Variants in NFATC3 observed in about 807,000 individuals in gnomAD.
NFATC3 encodes nuclear factor of activated T cells 3, also known as nuclear factor of activated T-cells, cytoplasmic 3.
NFATC3 carries 46 observed loss-of-function variants against 98.6 expected under a neutral mutation model. The observed-to-expected ratio is 0.47, with a 90% CI of 0.37 to 0.60. NFATC3 has a LOEUF of 0.60. NFATC3 is among the 20% of genes least tolerant of loss of function. The probability of loss-of-function intolerance (pLI) is 0.00; values close to 1 mark genes in which losing one functional copy is unlikely to be tolerated. For missense variants in NFATC3, 1,256 were observed against 1,295.5 expected, an observed-to-expected ratio of 0.97 and a Z score of 0.47; for synonymous variants, 512 against 472.2, an observed-to-expected ratio of 1.08 and a Z score of -1.09.
At chr16:68,207,402 C>G (rs2041193387) in intron 9 of NFATC3, among the ~76,000 whole-genome samples, 1 of 152,152 alleles carries the variant, frequency 6.6e-6, no homozygotes, top group Non-Finnish European at 1.5e-5. Context: ...GTTTGAGTCC[C>G]TCTTTTCAGT....
chr16:68,180,677 T>C (rs2039914852), intron 6 of NFATC3, among the ~76,000 whole-genome samples: 1 of 152,096 alleles, frequency 6.6e-6, no homozygotes, highest in Non-Finnish European at 1.5e-5. Context: ...CAGGCCCCAG[T>C]GTGTGATATT....
chr16:68,185,947 A>T (rs2040182251), intron 8 of NFATC3, among the ~76,000 whole-genome samples: 1 of 152,084 alleles, frequency 6.6e-6, no homozygotes, highest in African/African-American at 2.4e-5. Flanking sequence ...AAAAGGCAGA[A>T]TCCTAGAGGA....
Position 68,190,906 on chromosome 16 carries a change from G to A in NFATC3, c.2237G>A (p.Ser746Asn), listed in dbSNP as rs1746111968. The A allele has an allele frequency of 6.8e-6, 11 of 1,614,226 alleles. No individual in the cohort carries two copies. The highest frequency in any genetic ancestry group is 9.3e-6 in the Non-Finnish European group (11 of 1,180,056). The change falls in exon 9 of 10, where the codon AGT (serine) becomes AAT (asparagine). Residue 746 changes from serine to asparagine, a missense_variant. This residue lies in a region of NFATC3 where 636 missense variants were observed against 617.3 expected (regional missense o/e 1.03). Coordinates refer to ENST00000346183, the MANE Select transcript of NFATC3 (RefSeq NM_173165.3). Reference protein sequence around the residue: ...SHDSVLSGQRSLICSIPQTYA... With the variant: ...SHDSVLSGQRNLICSIPQTYA... Reference sequence around the variant, plus strand: ...GACAGTGTACTGTCAGGACAGAGAAGTTTGATTTGCTCCATCCCACAAACA... The same window carrying A: ...GACAGTGTACTGTCAGGACAGAGAAATTTGATTTGCTCCATCCCACAAACA...
intron 9 of NFATC3, chr16:68,221,166 C>G: frequency 1.9e-6 from 3 of 1,607,280 alleles, no homozygotes; most frequent in Admixed American, 1.7e-5. Context: ...ATCAAGATTG[C>G]TAATGACTTA....
chr16:68,120,396 G>A (rs1345153204), intron 1 of NFATC3, among the ~76,000 whole-genome samples: 1 of 151,512 alleles, frequency 6.6e-6, no homozygotes, highest in Non-Finnish European at 1.5e-5. Context: ...TGGACAACAT[G>A]GCAAAACCCT....
At chr16:68,187,628 C>T (rs2040260867) in intron 8 of NFATC3, among the ~76,000 whole-genome samples, 1 of 152,098 alleles carries the variant, frequency 6.6e-6, no homozygotes, top group South Asian at 2.1e-4. Context: ...GGCAGGTTGT[C>T]CTGTTGTCTT....
At chr16:68,164,659 C>T (rs929451187) in intron 4 of NFATC3, among the ~76,000 whole-genome samples, 2 of 152,064 alleles carry the variant, frequency 1.3e-5, no homozygotes, top group African/African-American at 4.8e-5. Flanking sequence ...GTGGGCGGAT[C>T]ACGAGATCAG....
intron 3 of NFATC3, 60 bp downstream of exon 3, chr16:68,126,670 T>A (rs2036848667): frequency 6.4e-7 from 1 of 1,561,130 alleles, no homozygotes; most frequent in Non-Finnish European, 8.8e-7. Flanking sequence ...ATTAGACAAG[T>A]CTATTCAGTT....
intron 6 of NFATC3, among the ~76,000 whole-genome samples, chr16:68,175,734 AT>A (rs1408373964): frequency 1.3e-5 from 2 of 151,416 alleles, no homozygotes; most frequent in African/African-American, 4.9e-5. Flanking sequence ...TAATTTTTGT[AT>A]TTTTGGTAGA....
chr16:68,149,543 T>C (rs2038208679), intron 3 of NFATC3, among the ~76,000 whole-genome samples: 1 of 152,202 alleles, frequency 6.6e-6, no homozygotes, highest in African/African-American at 2.4e-5. Flanking sequence ...ATGTATCCAG[T>C]TATAATGCAA....
intron 1 of NFATC3, among the ~76,000 whole-genome samples, chr16:68,117,389 A>G (rs1373454033): frequency 6.6e-6 from 1 of 152,182 alleles, no homozygotes; most frequent in Non-Finnish European, 1.5e-5. Context: ...AGAATGCTCC[A>G]TTGGTTTCCC....
chr16:68,134,049 G>A (rs2037260710), intron 3 of NFATC3, among the ~76,000 whole-genome samples: 1 of 152,104 alleles, frequency 6.6e-6, no homozygotes, highest in South Asian at 2.1e-4. Context: ...TGTTACACTT[G>A]TTAGTCTTTT....
chr16:68,192,228 A>AAAATAT (rs1489948236), intron 9 of NFATC3: 1 of 72,524 alleles, frequency 1.4e-5, no homozygotes. Flanking sequence ...AAAAAAAAAA[A>AAAATAT]AAATATATAT....
At chr16:68,145,184 C>T (rs2037979295) in intron 3 of NFATC3, among the ~76,000 whole-genome samples, 1 of 151,146 alleles carries the variant, frequency 6.6e-6, no homozygotes, top group South Asian at 2.1e-4. Context: ...TTGCACATCA[C>T]CCAGGCTGGA....
At chr16:68,158,233 G>A (rs1018668157) in intron 4 of NFATC3, among the ~76,000 whole-genome samples, 165 bp downstream of exon 4, 2 of 152,150 alleles carry the variant, frequency 1.3e-5, no homozygotes, top group African/African-American at 4.8e-5. Context: ...ATTTCCAGAA[G>A]GAAAATTCAA....
At chr16:68,189,126 T>A (rs190653007) in intron 8 of NFATC3, among the ~76,000 whole-genome samples, 4 of 152,378 alleles carry the variant, frequency 2.6e-5, no homozygotes, top group Non-Finnish European at 5.9e-5. Context: ...AGTTGACAAA[T>A]GTGTGAGATT....
intron 9 of NFATC3, among the ~76,000 whole-genome samples, chr16:68,203,908 C>A (rs1374629702): frequency 6.6e-6 from 1 of 151,938 alleles, no homozygotes; most frequent in Non-Finnish European, 1.5e-5. Flanking sequence ...AAAAATTGGG[C>A]CAGGCACAGT....
At chr16:68,202,833 A>T (rs780580615) in intron 9 of NFATC3, among the ~76,000 whole-genome samples, 33 of 147,276 alleles carry the variant, frequency 2.2e-4, no homozygotes, top group African/African-American at 2.1e-4. Context: ...AATAAATAAT[A>T]AAAAAAAATA....
intron 3 of NFATC3, among the ~76,000 whole-genome samples, chr16:68,130,150 T>G (rs1221806424): frequency 1.3e-5 from 2 of 152,220 alleles, no homozygotes; most frequent in Non-Finnish European, 2.9e-5. Context: ...CTGATTTCAT[T>G]TCTTTTGGAT....
Sources: allele counts gnomAD v4.1 joint callset (sites outside exome capture counted in the v4.1 genomes callset), GRCh38; gene constraint gnomAD v4.1.1; regional missense constraint gnomAD v4.1.1; transcripts MANE v1.5; gene names NCBI Gene and HGNC (gene_info 2026-07-23, HGNC 2026-07-21).